LRP5: variants seen among roughly 807,000 people sequenced by gnomAD.
LRP5 encodes the protein LDL receptor related protein 5.
A neutral mutation model predicts 154.1 loss-of-function variants in LRP5; 62 were observed. The ratio of observed to expected loss-of-function variants is 0.40; its 90% CI spans 0.33 to 0.50. The LOEUF is 0.50. LRP5 is among the 20% of genes least tolerant of loss of function. LRP5 has a pLI of 0.55. For synonymous variants in LRP5, 966 were observed against 1,011.5 expected, an observed-to-expected ratio of 0.96 and a Z score of 0.85; for missense variants, 1,915 against 2,336.7, an observed-to-expected ratio of 0.82 and a Z score of 3.72.
intron 1 of LRP5, among the ~76,000 whole-genome samples, chr11:68,343,841 CT>C (rs1360014510): frequency 6.6e-6 from 1 of 152,182 alleles, no homozygotes. Flanking sequence ...CCATCTCATC[CT>C]TTGGTGCACC....
At chr11:68,443,381 T>G (rs1334376710) in intron 21 of LRP5, among the ~76,000 whole-genome samples, 1 of 148,096 alleles carries the variant, frequency 6.8e-6, no homozygotes. Context: ...TCCCAGCTAC[T>G]TGGGAGTCTG....
chr11:68,419,819 G>C (rs1192408923), intron 13 of LRP5, among the ~76,000 whole-genome samples: 1 of 152,060 alleles, frequency 6.6e-6, no homozygotes, highest in Non-Finnish European at 1.5e-5. Context: ...TGAGATTACA[G>C]GTGTGAGCCA....
At chr11:68,428,392 C>T (rs1043554511) in intron 16 of LRP5, among the ~76,000 whole-genome samples, 23 of 152,100 alleles carry the variant, frequency 1.5e-4, no homozygotes, top group Non-Finnish European at 2.6e-4. Flanking sequence ...AATGGATTCC[C>T]CCAATGTGCT....
At chr11:68,340,726 T>C (rs1001484090) in intron 1 of LRP5, among the ~76,000 whole-genome samples, 2 of 152,206 alleles carry the variant, frequency 1.3e-5, no homozygotes, top group African/African-American at 4.8e-5. Context: ...AAAAAAATAT[T>C]TGCAGAAATA....
At chr11:68,368,752 C>T (rs2098632460) in intron 5 of LRP5, among the ~76,000 whole-genome samples, 1 of 151,966 alleles carries the variant, frequency 6.6e-6, no homozygotes, top group Admixed American at 6.6e-5. Flanking sequence ...AACCGTAAGG[C>T]TTCCTGCTAT....
intron 1 of LRP5, among the ~76,000 whole-genome samples, chr11:68,343,301 C>T (rs1407918270): frequency 6.6e-6 from 1 of 152,164 alleles, no homozygotes; most frequent in African/African-American, 2.4e-5. Flanking sequence ...AGGGGACTCT[C>T]GGGCCGGAGC....
intron 1 of LRP5, among the ~76,000 whole-genome samples, chr11:68,330,116 A>G (rs889519934): frequency 6.6e-6 from 1 of 152,114 alleles, no homozygotes; most frequent in Admixed American, 6.6e-5. Flanking sequence ...GGGCTTGCAG[A>G]GTATGTGTGC....
chr11:68,395,923 G>T lies in LRP5; in HGVS notation c.1584+5871G>T, dbSNP rs191736559. On this transcript the variant is annotated intron_variant, in intron 7 of 22. Coordinates refer to ENST00000294304, the MANE Select transcript of LRP5 (RefSeq NM_002335.4). ...GCTGCTTCTCAGGTCCTTGCCCAGC[G>T]CCAGGAGCAAACCCTCCTGGCACTT... Among the ~76,000 whole-genome samples, 3 of 152,254 alleles carry T rather than the reference G, an allele frequency of 2.0e-5. No homozygotes were observed. In the East Asian group the frequency reaches 5.8e-4, roughly 29 times the overall value.
chr11:68,421,686 CTGTGTGTGTG>C (rs148066763), intron 13 of LRP5, among the ~76,000 whole-genome samples: 19 of 133,402 alleles, frequency 1.4e-4, no homozygotes, highest in East Asian at 6.8e-4. Flanking sequence ...CCCAGCAAGG[CTGTGTGTGTG>C]TGTGTGTGTG....
chr11:68,364,251 G>A (rs750730850), intron 4 of LRP5, among the ~76,000 whole-genome samples: 7 of 151,500 alleles, frequency 4.6e-5, no homozygotes, highest in South Asian at 2.1e-4. Context: ...AGGTTGCCTC[G>A]TTTTCAAGGC....
intron 9 of LRP5, among the ~76,000 whole-genome samples, chr11:68,407,978 G>A (rs1290424029): frequency 2.0e-5 from 3 of 152,246 alleles, no homozygotes; most frequent in Non-Finnish European, 4.4e-5. Context: ...TGTGCCATCC[G>A]CCCCTTTACA....
chr11:68,395,998 A>T (rs1184655422), intron 7 of LRP5, among the ~76,000 whole-genome samples: 1 of 151,938 alleles, frequency 6.6e-6, no homozygotes. Flanking sequence ...CCCATCTCAC[A>T]TGAGGGTCTT....
chr11:68,366,171 C>A (rs2098630966), intron 5 of LRP5, among the ~76,000 whole-genome samples: 1 of 152,170 alleles, frequency 6.6e-6, no homozygotes, highest in Admixed American at 6.5e-5. Context: ...ACCCTGGGGC[C>A]TGGCAAGCGA....
chr11:68,426,320 G>A (rs1006181721), intron 16 of LRP5, 133 bp downstream of exon 16: 9 of 729,752 alleles, frequency 1.2e-5, no homozygotes, highest in East Asian at 8.2e-5. Context: ...ACTGTTGCCC[G>A]CTGGGGTTCA....
At chr11:68,409,065 A>ATATAT (rs1415459656) in intron 9 of LRP5, among the ~76,000 whole-genome samples, 13 of 32,770 alleles carry the variant, frequency 4.0e-4, no homozygotes, top group South Asian at 3.2e-3. Context: ...AAAAAAAAAA[A>ATATAT]AAAAAAAAAT....
rs187116115 is a variant in LRP5 at position 68,418,093 on chromosome 11, C to T, written c.3027+1566C>T. Among the ~76,000 whole-genome samples, 369 of 152,290 alleles carry T rather than the reference C, an allele frequency of 2.4e-3. 2 individuals carry two copies. The highest frequency in any genetic ancestry group is 4.7e-3 in the Admixed American group (72 of 15,296). ...ACAACAGGTTCATTAGTGTAGAATT[C>T]CAGGACAGGCCTGGCTCCTAAGCAG... On this transcript the variant is annotated intron_variant, in intron 13 of 22. Coordinates refer to ENST00000294304, the MANE Select transcript of LRP5 (RefSeq NM_002335.4).
At chr11:68,421,827 T>G (rs1168499822) in intron 13 of LRP5, among the ~76,000 whole-genome samples, 1 of 150,064 alleles carries the variant, frequency 6.7e-6, no homozygotes, top group East Asian at 2.0e-4. Flanking sequence ...GTGTGTGTGG[T>G]GTGTGGTGTG....
At chr11:68,379,684 AAAC>A (rs1424030342) in intron 5 of LRP5, among the ~76,000 whole-genome samples, 2 of 152,200 alleles carry the variant, frequency 1.3e-5, no homozygotes, top group South Asian at 2.1e-4. Flanking sequence ...TTAATTTTTT[AAAC>A]AACATTAATA....
intron 12 of LRP5, among the ~76,000 whole-genome samples, chr11:68,414,320 G>A (rs552078483): frequency 6.6e-6 from 1 of 152,232 alleles, no homozygotes; most frequent in Non-Finnish European, 1.5e-5. Context: ...ACAGTGCTGA[G>A]TGCTTTCCAT....
Sources: allele counts gnomAD v4.1 joint callset (sites outside exome capture counted in the v4.1 genomes callset), GRCh38; gene constraint gnomAD v4.1.1; transcripts MANE v1.5; gene names NCBI Gene and HGNC (gene_info 2026-07-23, HGNC 2026-07-21).